ABCC6: variants seen among roughly 807,000 people sequenced by gnomAD.
ABCC6 encodes the protein ATP-binding cassette sub-family C member 6.
A neutral mutation model predicts 169.5 loss-of-function variants in ABCC6; 126 were observed. That is an observed-to-expected ratio of 0.74 (90% confidence interval 0.64 to 0.86). ABCC6 has a LOEUF of 0.86. ABCC6 is among the 40% of genes least tolerant of loss of function. The pLI is 0.00. For synonymous variants in ABCC6, 752 were observed against 814.7 expected, an observed-to-expected ratio of 0.92 and a Z score of 1.31; for missense variants, 1,733 against 1,927.2, an observed-to-expected ratio of 0.90 and a Z score of 1.89.
At chr16:16,186,318 T>C (rs2047653086) in intron 14 of ABCC6, among the ~76,000 whole-genome samples, 2 of 152,070 alleles carry the variant, frequency 1.3e-5, no homozygotes, top group African/African-American at 4.8e-5. Flanking sequence ...CCTGGGACTT[T>C]CTGCATGAGG....
rs1291588295 is a variant in ABCC6 at position 16,203,626 on chromosome 16, G to A, written c.795-13C>T. On this transcript the variant is annotated splice_polypyrimidine_tract_variant and intron_variant, in intron 7 of 30. Coordinates refer to ENST00000205557, the MANE Select transcript of ABCC6 (RefSeq NM_001171.6). ...TGCCTTGTTGTGCCTGAGGGGAAGG[G>A]AGAGATTAGCTCTGGGTCCCATTTT... 1 of 1,613,750 alleles carries A rather than the reference G, an allele frequency of 6.2e-7. No individual in the cohort carries two copies. The highest frequency in any genetic ancestry group is 8.5e-7 in the Non-Finnish European group (1 of 1,179,752).
At position 16,190,842 on chromosome 16, in the gene ABCC6, G is replaced by A. The variant is rs1327983902; in HGVS notation, c.1432-475C>T. Among the ~76,000 whole-genome samples, 4 of 145,852 alleles carry A rather than the reference G, an allele frequency of 2.7e-5. No individual in the cohort carries two copies. In the East Asian group the frequency reaches 8.4e-4, roughly 30 times the overall value. On this transcript the variant is annotated intron_variant, in intron 11 of 30. Coordinates refer to ENST00000205557, the MANE Select transcript of ABCC6 (RefSeq NM_001171.6). ...GCTAAATCTTAAATGACCAGGAAGT[G>A]CGTGCTGAGCAGGCAGAGGATGGGG...
intron 10 of ABCC6, among the ~76,000 whole-genome samples, chr16:16,193,776 C>T (rs1448598898): frequency 2.0e-5 from 3 of 152,202 alleles, no homozygotes; most frequent in Admixed American, 6.5e-5. Flanking sequence ...CTTTCTTGCA[C>T]GAGATCCAAG....
chr16:16,163,330 G>A, intron 23 of ABCC6, 138 bp from the exon 24 acceptor site: 1 of 784,828 alleles, frequency 1.3e-6, no homozygotes, highest in South Asian at 1.6e-5. Flanking sequence ...TGGGCTAGTT[G>A]CTTGCCCTCT....
At chr16:16,158,510 C>G (rs1411581435) in intron 26 of ABCC6, among the ~76,000 whole-genome samples, 1 of 152,272 alleles carries the variant, frequency 6.6e-6, no homozygotes, top group Admixed American at 6.5e-5. Flanking sequence ...ATCCATTCAT[C>G]TGTCCATCTC....
intron 9 of ABCC6, among the ~76,000 whole-genome samples, chr16:16,199,262 A>G (rs1172978670): frequency 6.7e-6 from 1 of 148,242 alleles, no homozygotes; most frequent in African/African-American, 2.5e-5. Flanking sequence ...AGACATCTCG[A>G]TTTTGGAAGT....
At chr16:16,171,478 C>T (rs546441482) in intron 21 of ABCC6, among the ~76,000 whole-genome samples, 1 of 152,318 alleles carries the variant, frequency 6.6e-6, no homozygotes, top group South Asian at 2.1e-4. Flanking sequence ...AGTGTCTAAT[C>T]TCTACCAGAC....
At chr16:16,184,700 G>T (rs1292186837) in intron 15 of ABCC6, among the ~76,000 whole-genome samples, 1 of 152,116 alleles carries the variant, frequency 6.6e-6, no homozygotes, top group Non-Finnish European at 1.5e-5. Context: ...GAGCACAGGG[G>T]TGTCTCCCCC....
intron 22 of ABCC6, among the ~76,000 whole-genome samples, chr16:16,166,853 G>A (rs2046891781): frequency 1.3e-5 from 2 of 152,106 alleles, no homozygotes; most frequent in Non-Finnish European, 2.9e-5. Context: ...AGCCGAGATC[G>A]TGCTACTGCA....
chr16:16,157,824 G>A lies in ABCC6; in HGVS notation c.3736-15C>T. The A allele has an allele frequency of 1.2e-6, 2 of 1,606,086 alleles. No homozygotes were observed. Among genetic ancestry groups the A allele is most frequent in the South Asian group, 2.2e-5 (2 of 91,014 alleles). On this transcript the variant is annotated splice_polypyrimidine_tract_variant and intron_variant, in intron 26 of 30. Coordinates refer to ENST00000205557, the MANE Select transcript of ABCC6 (RefSeq NM_001171.6). ...CTCCAGGGAGCCTGGAGCAGGAGGG[G>A]AAACTGAGTCAGAGGAGCCTTCCTC...
At chr16:16,199,027 G>T (rs11640321) in intron 9 of ABCC6, among the ~76,000 whole-genome samples, 3 of 132,804 alleles carry the variant, frequency 2.3e-5, no homozygotes, top group Non-Finnish European at 5.2e-5. Flanking sequence ...GCCAGGCATG[G>T]TTGTGGTGCG....
intron 7 of ABCC6, among the ~76,000 whole-genome samples, chr16:16,205,229 T>C (rs992439815): frequency 6.6e-6 from 1 of 152,164 alleles, no homozygotes; most frequent in African/African-American, 2.4e-5. Context: ...CTGACTCCCC[T>C]GGATCCCCTT....
intron 7 of ABCC6, among the ~76,000 whole-genome samples, chr16:16,206,738 G>T (rs1437856017): frequency 1.3e-5 from 2 of 152,018 alleles, no homozygotes. Flanking sequence ...TTCTAGTGTT[G>T]GGTGACCTGT....
In ABCC6 at chr16:16,169,791, T is replaced by C. The variant is rs778351699; in HGVS notation, c.2850A>G (p.Ala950=). ...CTTGCTGGCAGAGGAAGAGGAAGAG[T>C]GCGTAGAGGCAGAGGGGGGTGCCCA... The part of the protein sequence containing the change: ...RAVGTPLCLY[A]LFLFLCQQVA... The change falls in exon 22 of 31, where the codon GCA becomes GCG. Residue 950 remains alanine (A), a synonymous_variant. Coordinates refer to ENST00000205557, the MANE Select transcript of ABCC6 (RefSeq NM_001171.6). 5 of 1,580,684 alleles carry C rather than the reference T, an allele frequency of 3.2e-6. No individual in the cohort carries two copies. The highest frequency in any genetic ancestry group is 4.3e-6 in the Non-Finnish European group (5 of 1,163,906).
chr16:16,161,660 C>A, intron 24 of ABCC6, 96 bp from the exon 25 acceptor site: 1 of 1,541,778 alleles, frequency 6.5e-7, no homozygotes. Context: ...CAGCTTTGTA[C>A]ACACAGGGGT....
At chr16:16,215,950 C>T (rs542383008) in intron 4 of ABCC6, among the ~76,000 whole-genome samples, 1,743 of 151,770 alleles carry the variant, frequency 0.011, 35 homozygotes, top group African/African-American at 0.04. Flanking sequence ...GTTGGAGTCT[C>T]ACTCTGTTGC....
intron 9 of ABCC6, among the ~76,000 whole-genome samples, chr16:16,199,899 C>G (rs986164922): frequency 6.6e-6 from 1 of 150,864 alleles, no homozygotes; most frequent in Non-Finnish European, 1.5e-5. Context: ...AAAACCCCAT[C>G]TCTAGTAAAA....
chr16:16,169,688 C>A lies in ABCC6; in HGVS notation c.2953G>T (p.Ala985Ser). The change falls in exon 22 of 31, where the codon GCC becomes TCC. Residue 985 changes from alanine to serine, a missense_variant. By Grantham distance (99) the Ala-to-Ser change is moderately conservative. Coordinates refer to ENST00000205557, the MANE Select transcript of ABCC6 (RefSeq NM_001171.6). ...AGCCCGAAGATCCCGCCACGCAGGGCTGCCTGCGTCTGCTGCCCACCTACT... is the reference window on the plus strand; with the variant it reads ...AGCCCGAAGATCCCGCCACGCAGGGATGCCTGCGTCTGCTGCCCACCTACT... ...PAVGGQQTQA[A>S]LRGGIFGLLG... The A allele has an allele frequency of 6.2e-7, 1 of 1,611,280 alleles. No individual in the cohort carries two copies. The highest frequency in any genetic ancestry group is 1.1e-5 in the South Asian group (1 of 90,890).
At chr16:16,189,615 G>C (rs562349893) in intron 12 of ABCC6, among the ~76,000 whole-genome samples, 5 of 151,910 alleles carry the variant, frequency 3.3e-5, no homozygotes, top group Admixed American at 6.6e-5. Context: ...ACAGGGTTTC[G>C]CCATGTTGGC....
Sources: allele counts gnomAD v4.1 joint callset (sites outside exome capture counted in the v4.1 genomes callset), GRCh38; gene constraint gnomAD v4.1.1; transcripts MANE v1.5; gene names NCBI Gene and HGNC (gene_info 2026-07-23, HGNC 2026-07-21).